PTPRN2: variants seen among roughly 807,000 people sequenced by gnomAD.
PTPRN2 encodes the protein receptor-type tyrosine-protein phosphatase N2.
A neutral mutation model predicts 118.8 loss-of-function variants in PTPRN2; 74 were observed. That is an observed-to-expected ratio of 0.62 (90% CI 0.52 to 0.76). The LOEUF (loss-of-function observed/expected upper bound fraction) is 0.76, where lower values mean the gene tolerates loss of function less well. PTPRN2 is among the 30% of genes least tolerant of loss of function. The pLI is 0.00. For synonymous variants in PTPRN2, 641 were observed against 608.0 expected (o/e 1.05, Z -0.80); for missense variants, 1,481 against 1,394.4 (o/e 1.06, Z -0.99).
intron 9 of PTPRN2, among the ~76,000 whole-genome samples, chr7:158,114,501 G>A (rs552508381): frequency 5.9e-5 from 9 of 152,194 alleles, no homozygotes; most frequent in East Asian, 3.9e-4. Context: ...TGTGGAAGAC[G>A]TGCCGCGGGA....
At chr7:157,569,232 C>T (rs79866755) in intron 20 of PTPRN2, among the ~76,000 whole-genome samples, 1,602 of 152,346 alleles carry the variant, frequency 0.011, 25 homozygotes, top group African/African-American at 0.037. Flanking sequence ...TTGCTTGTTC[C>T]CCCCTCTTTG....
chr7:158,302,990 T>C (rs1801003588), intron 3 of PTPRN2, among the ~76,000 whole-genome samples: 2 of 152,164 alleles, frequency 1.3e-5, no homozygotes, highest in African/African-American at 2.4e-5. Flanking sequence ...AACAAGAATG[T>C]AAAAATGTAA....
intron 4 of PTPRN2, among the ~76,000 whole-genome samples, chr7:158,202,608 T>A (rs1826727520): frequency 6.6e-6 from 1 of 151,654 alleles, no homozygotes; most frequent in African/African-American, 2.4e-5. Context: ...GGGAAGGGAG[T>A]GTGGAGGAAA....
chr7:157,683,056 C>A lies in PTPRN2; in HGVS notation c.1789-119G>T, dbSNP rs1040349221. Reference sequence around the variant, plus strand: ...TCAGCCCCACAGGACGCTGTGCTGGCCCTGGAGCCACAACGGGAGGGCCCT... The same window carrying A: ...TCAGCCCCACAGGACGCTGTGCTGGACCTGGAGCCACAACGGGAGGGCCCT... On this transcript the variant is annotated intron_variant, in intron 12 of 22. Transcript: ENST00000389418. 8 of 889,888 alleles carry A rather than the reference C, an allele frequency of 9.0e-6. No homozygotes were observed. The African/African-American group carries it at 1.3e-4, about 15-fold the overall frequency. The allele number at this position is 889,888 out of a possible 1,614,324, so 55.1% of individuals were successfully genotyped here.
chr7:158,002,193 G>A (rs1168403297), intron 11 of PTPRN2, among the ~76,000 whole-genome samples: 7 of 152,330 alleles, frequency 4.6e-5, no homozygotes, highest in South Asian at 2.1e-4. Flanking sequence ...AGCAGCCCCC[G>A]CGGGAAACAC....
At chr7:157,872,228 CCCAGTGTCCTCCCCACACACACATAT>C (rs1584921358) in intron 12 of PTPRN2, among the ~76,000 whole-genome samples, 30 of 131,866 alleles carry the variant, frequency 2.3e-4, no homozygotes, top group Non-Finnish European at 3.7e-4. Flanking sequence ...TACACACATA[CCCAGTGTCCTCCCCACACACACATAT>C]CCAGTGTCCT....
chr7:158,168,144 C>T (rs1025271193), intron 5 of PTPRN2, among the ~76,000 whole-genome samples: 6 of 152,220 alleles, frequency 3.9e-5, no homozygotes, highest in Non-Finnish European at 8.8e-5. Flanking sequence ...TGCATCTTTG[C>T]CAACACTTGC....
intron 2 of PTPRN2, among the ~76,000 whole-genome samples, chr7:158,477,936 T>G (rs1412604272): frequency 6.6e-6 from 1 of 152,094 alleles, no homozygotes; most frequent in African/African-American, 2.4e-5. Context: ...CAACTCTGCC[T>G]CCACACATCC....
At chr7:158,447,023 C>G (rs1008615294) in intron 2 of PTPRN2, among the ~76,000 whole-genome samples, 1 of 152,208 alleles carries the variant, frequency 6.6e-6, no homozygotes, top group Non-Finnish European at 1.5e-5. Flanking sequence ...CCAGTAAGGA[C>G]GCAGCTAGGA....
chr7:158,430,933 A>G (rs1816124575), intron 2 of PTPRN2, among the ~76,000 whole-genome samples: 1 of 152,210 alleles, frequency 6.6e-6, no homozygotes, highest in South Asian at 2.1e-4. Context: ...TGACCGTGGA[A>G]CCAAAGCAGA....
chr7:158,194,604 G>C, intron 4 of PTPRN2, among the ~76,000 whole-genome samples: 1 of 152,226 alleles, frequency 6.6e-6, no homozygotes, highest in East Asian at 1.9e-4. Context: ...CTCATAACAG[G>C]CTTTACAGGT....
chr7:157,649,560 C>A (rs879116005), intron 14 of PTPRN2, among the ~76,000 whole-genome samples: 1 of 99,694 alleles, frequency 1.0e-5, no homozygotes, highest in African/African-American at 3.4e-5. Flanking sequence ...TCGGACCCAT[C>A]CAGCGTGCAC....
chr7:158,163,965 T>C (rs988143305), intron 6 of PTPRN2, among the ~76,000 whole-genome samples: 1 of 152,230 alleles, frequency 6.6e-6, no homozygotes. Context: ...ATTTGCCGTT[T>C]TACATGAGGC....
At chr7:157,687,355 G>A (rs148390585) in intron 12 of PTPRN2, among the ~76,000 whole-genome samples, 38 of 152,326 alleles carry the variant, frequency 2.5e-4, no homozygotes, top group African/African-American at 8.9e-4. Context: ...GCCAGATTTA[G>A]TCCTTTTCCA....
chr7:157,845,418 C>G lies in PTPRN2; in HGVS notation c.1788+53255G>C, dbSNP rs1388866096. ...CAGCCTAACTCACCAGGTTACTGGC[C>G]TAACTCACCATGTTCCCGGCCATAC... is the stretch of plus-strand genomic sequence containing the variant. On this transcript the variant is annotated intron_variant, in intron 12 of 22. Coordinates refer to ENST00000389418, the MANE Select transcript of PTPRN2 (RefSeq NM_002847.5). This position sits in a 1 kb window ranked among gnomAD's most constrained non-coding sequence, Gnocchi z 4.5. Among the ~76,000 whole-genome samples, 1 of 151,874 alleles carries G rather than the reference C, an allele frequency of 6.6e-6. No homozygotes were observed. The highest frequency in any genetic ancestry group is 1.5e-5 in the Non-Finnish European group (1 of 68,012).
intron 14 of PTPRN2, among the ~76,000 whole-genome samples, chr7:157,638,098 A>T (rs1804432369): frequency 6.6e-6 from 1 of 152,258 alleles, no homozygotes; most frequent in Non-Finnish European, 1.5e-5. Context: ...ATAATACAAG[A>T]AAAGGGGAAC....
chr7:157,919,768 G>C (rs1798598581), intron 11 of PTPRN2, among the ~76,000 whole-genome samples: 1 of 152,168 alleles, frequency 6.6e-6, no homozygotes, highest in African/African-American at 2.4e-5. Context: ...TCTATTTATA[G>C]TCATGCACCA....
At chr7:158,366,592 A>C (rs1291969411) in intron 2 of PTPRN2, among the ~76,000 whole-genome samples, 1 of 152,334 alleles carries the variant, frequency 6.6e-6, no homozygotes, top group African/African-American at 2.4e-5. Context: ...TGTTTCCCCG[A>C]ACGCAGAGCC....
At chr7:157,830,026 C>A (rs1807451486) in intron 12 of PTPRN2, among the ~76,000 whole-genome samples, 1 of 152,176 alleles carries the variant, frequency 6.6e-6, no homozygotes, top group South Asian at 2.1e-4. Context: ...GCAGTATCCT[C>A]TCTCCCCCGT....
Sources: allele counts gnomAD v4.1 joint callset (sites outside exome capture counted in the v4.1 genomes callset), GRCh38; gene constraint gnomAD v4.1.1; non-coding constraint Gnocchi (gnomAD v3.1); transcripts MANE v1.5; gene names NCBI Gene and HGNC (gene_info 2026-07-23, HGNC 2026-07-21).